LRP1B: variants seen among roughly 807,000 people sequenced by gnomAD.
LRP1B encodes LDL receptor related protein 1B.
LRP1B carries 217 observed loss-of-function variants against 556.6 expected under a neutral mutation model. The observed-to-expected ratio is 0.39, with a 90% confidence interval of 0.35 to 0.44. The LOEUF (loss-of-function observed/expected upper bound fraction) is 0.44, where lower values mean the gene tolerates loss of function less well. Among genes scored for constraint, LRP1B ranks in the 20% least tolerant of loss-of-function variants. The pLI is 1.00. For missense variants in LRP1B, 5,053 were observed against 5,620.8 expected (o/e 0.90, Z 3.23); for synonymous variants, 2,047 against 1,865.8 (o/e 1.10, Z -2.50).
chr2:141,438,445 G>A (rs1042581679), intron 3 of LRP1B, among the ~76,000 whole-genome samples: 8 of 152,060 alleles, frequency 5.3e-5, no homozygotes, highest in Non-Finnish European at 1.2e-4. Context: ...TAGAATACAC[G>A]CATTTTTCAT....
intron 21 of LRP1B, among the ~76,000 whole-genome samples, chr2:140,921,613 T>C (rs1694738676): frequency 6.6e-6 from 1 of 151,960 alleles, no homozygotes; most frequent in African/African-American, 2.4e-5. Flanking sequence ...TAAAATCACA[T>C]TTTTCTAACA....
At chr2:140,407,919 G>A (rs944104167) in intron 66 of LRP1B, among the ~76,000 whole-genome samples, 2 of 151,820 alleles carry the variant, frequency 1.3e-5, no homozygotes, top group African/African-American at 2.4e-5. Context: ...CAAAAATATG[G>A]AACCAATCTA....
intron 11 of LRP1B, among the ~76,000 whole-genome samples, chr2:141,047,121 A>G (rs1360283759): frequency 6.6e-6 from 1 of 151,556 alleles, no homozygotes; most frequent in Non-Finnish European, 1.5e-5. Context: ...AAAACAACGT[A>G]AATTTTATCT....
rs186182837 is a variant in LRP1B at position 142,075,246 on chromosome 2, A to G, written c.82+55402T>C. 5.3e-5 allele frequency among the ~76,000 whole-genome samples: 8 copies of G among 152,288 alleles called. No homozygotes were observed. The East Asian group carries it at 1.4e-3, about 26-fold the overall frequency. ...CTTAAGAAATATAGGCAAATCTCAT[A>G]GGATATGTTAACCATAGTAATCAAC... is the stretch of plus-strand genomic sequence containing the variant. On this transcript the variant is annotated intron_variant, in intron 1 of 90. Coordinates refer to ENST00000389484, the MANE Select transcript of LRP1B (RefSeq NM_018557.3).
intron 2 of LRP1B, among the ~76,000 whole-genome samples, chr2:141,537,445 C>T (rs912792210): frequency 1.3e-5 from 2 of 151,860 alleles, no homozygotes; most frequent in African/African-American, 2.4e-5. Context: ...TGGACAGATA[C>T]GAATCAAGAC....
At chr2:140,779,753 A>AGTGT (rs373081625) in intron 32 of LRP1B, among the ~76,000 whole-genome samples, 4,476 of 133,914 alleles carry the variant, frequency 0.033, 109 homozygotes, top group South Asian at 0.062. Flanking sequence ...TCTCTGTGAG[A>AGTGT]GAGTGTGTGT....
chr2:140,778,312 TGAATG>T (rs1453839572), intron 32 of LRP1B, among the ~76,000 whole-genome samples: 2 of 152,150 alleles, frequency 1.3e-5, no homozygotes, highest in African/African-American at 4.8e-5. Context: ...TACTCAAAAA[TGAATG>T]GAATATAAAA....
intron 3 of LRP1B, among the ~76,000 whole-genome samples, chr2:141,455,117 A>G (rs1681580967): frequency 6.6e-6 from 1 of 152,082 alleles, no homozygotes. Context: ...ACTGTCTCTT[A>G]TTTTAGGGGA....
chr2:140,851,502 G>T, intron 28 of LRP1B, 150 bp downstream of exon 28: 3 of 721,128 alleles, frequency 4.2e-6, no homozygotes, highest in Non-Finnish European at 6.7e-6. Context: ...ATCATCAATA[G>T]TGGATGGAAA....
intron 1 of LRP1B, among the ~76,000 whole-genome samples, chr2:142,032,013 T>C (rs926394915): frequency 6.6e-6 from 1 of 151,860 alleles, no homozygotes; most frequent in Non-Finnish European, 1.5e-5. Context: ...TATCCTTCCC[T>C]AGCCCCTTCT....
intron 1 of LRP1B, among the ~76,000 whole-genome samples, chr2:141,869,913 A>C (rs1160815): frequency 0.31 from 46,389 of 151,956 alleles, 8,211 homozygotes; most frequent in Middle Eastern, 0.45. Flanking sequence ...AGTTTAAATA[A>C]ATTTTAATGA....
intron 86 of LRP1B, among the ~76,000 whole-genome samples, chr2:140,265,636 A>G (rs919093025): frequency 2.0e-5 from 3 of 152,128 alleles, no homozygotes; most frequent in African/African-American, 4.8e-5. Flanking sequence ...AAAATATATT[A>G]CCAACAAAAA....
At chr2:141,441,010 A>C (rs975355786) in intron 3 of LRP1B, among the ~76,000 whole-genome samples, 1 of 152,106 alleles carries the variant, frequency 6.6e-6, no homozygotes, top group African/African-American at 2.4e-5. Flanking sequence ...ACAACAAAAA[A>C]TTATCTAGCT....
chr2:140,972,513 A>T (rs1395272081), intron 18 of LRP1B, among the ~76,000 whole-genome samples: 1 of 152,194 alleles, frequency 6.6e-6, no homozygotes, highest in African/African-American at 2.4e-5. Context: ...ACAAATTATC[A>T]AAGAAGTAAT....
chr2:141,194,095 A>T (rs1450200259), intron 6 of LRP1B, among the ~76,000 whole-genome samples: 1 of 152,106 alleles, frequency 6.6e-6, no homozygotes, highest in African/African-American at 2.4e-5. Flanking sequence ...GTAATTTTGC[A>T]ATCTTATATC....
intron 43 of LRP1B, among the ~76,000 whole-genome samples, chr2:140,565,459 T>C (rs187830004): frequency 6.6e-6 from 1 of 152,104 alleles, no homozygotes; most frequent in African/African-American, 2.4e-5. Flanking sequence ...GGTGCCAATT[T>C]ACCAGATCCC....
At chr2:140,961,322 T>A (rs764086453) in intron 18 of LRP1B, among the ~76,000 whole-genome samples, 3 of 152,006 alleles carry the variant, frequency 2.0e-5, no homozygotes, top group Non-Finnish European at 4.4e-5. Context: ...ATTTTTCTTG[T>A]GTTCACAAAG....
intron 84 of LRP1B, among the ~76,000 whole-genome samples, chr2:140,279,565 A>G (rs562647114): frequency 6.6e-6 from 1 of 152,118 alleles, no homozygotes; most frequent in African/African-American, 2.4e-5. Context: ...ATACTCTCAC[A>G]TAATTACTAC....
intron 7 of LRP1B, among the ~76,000 whole-genome samples, chr2:141,178,102 A>G (rs923204464): frequency 4.6e-5 from 7 of 152,148 alleles, no homozygotes; most frequent in African/African-American, 1.7e-4. Context: ...TAGCTTACAG[A>G]ATCTTTGTCT....
Sources: allele counts gnomAD v4.1 joint callset (sites outside exome capture counted in the v4.1 genomes callset), GRCh38; gene constraint gnomAD v4.1.1; transcripts MANE v1.5; gene names NCBI Gene and HGNC (gene_info 2026-07-23, HGNC 2026-07-21).